Variants in CENPC observed in about 807,000 individuals in gnomAD.
CENPC encodes centromere protein C.
In CENPC, 63 loss-of-function variants were observed where a neutral mutation model predicts 112.1. That is an observed-to-expected ratio of 0.56 (90% CI 0.46 to 0.69). CENPC has a LOEUF of 0.69. Among genes scored for constraint, CENPC ranks in the 30% least tolerant of loss-of-function variants. CENPC has a pLI of 0.00. For missense variants in CENPC, 1,000 were observed against 1,103.8 expected, an observed-to-expected ratio of 0.91 and a Z score of 1.33; for synonymous variants, 333 against 367.6, an observed-to-expected ratio of 0.91 and a Z score of 1.08.
At position 67,514,340 on chromosome 4, in the gene CENPC, T is replaced by G; in HGVS notation, c.1178A>C (p.Asn393Thr). 1 of 1,612,136 alleles carries G rather than the reference T, an allele frequency of 6.2e-7. No individual in the cohort carries two copies. Among genetic ancestry groups the G allele is most frequent in the Non-Finnish European group, 8.5e-7 (1 of 1,178,708 alleles). The stretch of plus-strand genomic sequence containing the variant: ...TTCATATTTTGTAGATCTATAATTA[T>G]TTACTGTTTCACCTATCAAAGCATA... ...TSYALIGETV[N>T]NYRSTKYEMY... Residue 393 changes from asparagine to threonine, a missense_variant, in exon 8 of 19, where the codon AAT (asparagine) becomes ACT (threonine). Transcript: ENST00000273853.
At chr4:67,492,535 G>A (rs913208580) in intron 15 of CENPC, among the ~76,000 whole-genome samples, 1 of 152,142 alleles carries the variant, frequency 6.6e-6, no homozygotes, top group African/African-American at 2.4e-5. Context: ...AAGGTATTAA[G>A]TGATGTTTTG....
chr4:67,519,771 C>A (rs750790248), intron 5 of CENPC, among the ~76,000 whole-genome samples: 2 of 151,990 alleles, frequency 1.3e-5, no homozygotes, highest in Admixed American at 6.6e-5. Flanking sequence ...TAGAGAGATA[C>A]AACATAAGCA....
At chr4:67,540,092 G>A (rs891244672) in intron 3 of CENPC, among the ~76,000 whole-genome samples, 158 bp from the exon 4 acceptor site, 2 of 152,140 alleles carry the variant, frequency 1.3e-5, no homozygotes, top group African/African-American at 2.4e-5. Context: ...ATATTCAAAT[G>A]TTCCTGAGAA....
In CENPC at chr4:67,506,882, G is replaced by A; in HGVS notation, c.1957C>T (p.Pro653Ser). The A allele has an allele frequency of 6.2e-7, 1 of 1,611,972 alleles. No homozygotes were observed. The highest frequency in any genetic ancestry group is 8.5e-7 in the Non-Finnish European group (1 of 1,178,586). Residue 653 changes from proline to serine, a missense_variant, in exon 11 of 19, where the codon CCC becomes TCC. Transcript: ENST00000273853. ...EDNIMTAQNV[P>S]LKPQTSGYTC... ...TATCCACTGGTCTGAGGCTTTAGGG[G>A]AACATTCTGTGCAGTCATAATGTTA...
chr4:67,531,282 GAA>G lies in CENPC; in HGVS notation c.232-370_232-369del, dbSNP rs900810982. 2.0e-5 allele frequency among the ~76,000 whole-genome samples: 3 copies of G among 151,574 alleles called. No homozygotes were observed. The East Asian group carries it at 5.8e-4, about 29-fold the overall frequency. ...ATAATATAAATTATTATTTTAACCA[GAA>G]AAAAAAGCAACCTGCAGAAGTACAT... On this transcript the variant is annotated intron_variant, in intron 4 of 18. Coordinates refer to ENST00000273853, the MANE Select transcript of CENPC (RefSeq NM_001812.4).
At chr4:67,528,447 C>G (rs1179713818) in intron 5 of CENPC, among the ~76,000 whole-genome samples, 2 of 152,146 alleles carry the variant, frequency 1.3e-5, no homozygotes, top group African/African-American at 4.8e-5. Context: ...CAAACAAATT[C>G]TGTACACATC....
rs1159351365 is a variant in CENPC, at chr4:67,514,602, C to A, written c.916G>T (p.Asp306Tyr). 6.2e-7 allele frequency: 1 copy of A among 1,607,948 alleles called. No individual in the cohort carries two copies. Among genetic ancestry groups the A allele is most frequent in the East Asian group, 2.2e-5 (1 of 44,614 alleles). The change falls in exon 8 of 19, where the codon GAT (aspartate) becomes TAT (tyrosine). Residue 306 changes from aspartate to tyrosine, a missense_variant. Transcript: ENST00000273853. ...CTGGCAAAACTTTGATCCGACTCAT[C>A]AATTATAAATTCATCCTCTATCAAC... ...TKLIEDEFII[D>Y]ESDQSFASRS...
chr4:67,508,167 C>G (rs1046749742), intron 10 of CENPC, among the ~76,000 whole-genome samples: 1 of 152,076 alleles, frequency 6.6e-6, no homozygotes, highest in Non-Finnish European at 1.5e-5. Flanking sequence ...TCACATTAAT[C>G]TCACTTAAAA....
chr4:67,517,764 G>C (rs1361178608), intron 7 of CENPC, among the ~76,000 whole-genome samples: 2 of 152,060 alleles, frequency 1.3e-5, no homozygotes, highest in African/African-American at 4.8e-5. Flanking sequence ...TTGAACCCAG[G>C]AGGGAGAGGT....
chr4:67,545,262 C>T lies in CENPC; in HGVS notation c.18+76G>A, dbSNP rs1578012561. On this transcript the variant is annotated intron_variant, in intron 1 of 18. Coordinates refer to ENST00000273853, the MANE Select transcript of CENPC (RefSeq NM_001812.4). ...GATCACAGCCTCAGCCTAGCATTTC[C>T]TTCTCCCCAGCCTCGGGCGCCCGTG... 2.9e-6 allele frequency: 4 copies of T among 1,385,596 alleles called. No individual in the cohort carries two copies. The East Asian group carries it at 1.2e-4, about 41-fold the overall frequency. The allele number at this position is 1,385,596 out of a possible 1,614,324, so 85.8% of individuals were successfully genotyped here. A position where few individuals can be genotyped will look rare whatever the true frequency, so the allele number is the denominator to read the frequency against.
At position 67,472,648 on chromosome 4, in the gene CENPC, C is replaced by T. The variant is rs1454201578; in HGVS notation, c.2789G>A (p.Arg930Gln). 1.5e-5 allele frequency: 23 copies of T among 1,510,680 alleles called. No individual in the cohort carries two copies. The highest frequency in any genetic ancestry group is 1.6e-5 in the Non-Finnish European group (18 of 1,133,952). 93.6% of individuals were successfully genotyped at this position (1,510,680 alleles called of 1,614,324 possible). A position where few individuals can be genotyped will look rare whatever the true frequency, so the allele number is the denominator to read the frequency against. ...AAAAAGAAGAACACTTTCCTCATTCCGGAGATTTTTGATGTTATAATAGTT... is the reference window on the plus strand; with the variant it reads ...AAAAAGAAGAACACTTTCCTCATTCTGGAGATTTTTGATGTTATAATAGTT... Reference protein sequence around the residue: ...SGNYYNIKNLRNEESVLLFTQ... With the variant: ...SGNYYNIKNLQNEESVLLFTQ... Residue 930 changes from arginine to glutamine, a missense_variant, in exon 19 of 19, where the codon CGG (arginine) becomes CAG (glutamine). Physicochemically the swap from Arg to Gln is conservative, Grantham distance 43 (BLOSUM62 1). Coordinates refer to ENST00000273853, the MANE Select transcript of CENPC (RefSeq NM_001812.4).
intron 11 of CENPC, among the ~76,000 whole-genome samples, chr4:67,505,751 G>A (rs1725714543): frequency 6.6e-6 from 1 of 151,936 alleles, no homozygotes; most frequent in Non-Finnish European, 1.5e-5. Context: ...CACAGATATG[G>A]AGGGCTGACT....
intron 17 of CENPC, among the ~76,000 whole-genome samples, chr4:67,482,237 A>G (rs1174258629): frequency 3.9e-5 from 6 of 152,228 alleles, no homozygotes; most frequent in Non-Finnish European, 7.3e-5. Flanking sequence ...CATTCCTGCA[A>G]GAATGGCCAT....
At chr4:67,492,318 A>G in intron 15 of CENPC, 43 bp from the exon 16 acceptor site, 1 of 1,301,116 alleles carries the variant, frequency 7.7e-7, no homozygotes, top group African/African-American at 1.5e-5. Context: ...CTTACTTAAA[A>G]TTATTCTCAA....
intron 17 of CENPC, among the ~76,000 whole-genome samples, chr4:67,488,231 G>T (rs1725143026): frequency 6.7e-6 from 1 of 149,138 alleles, no homozygotes; most frequent in Non-Finnish European, 1.5e-5. Flanking sequence ...AAAATAAAAT[G>T]CTCAAACTAA....
At chr4:67,508,734 G>T in intron 10 of CENPC, 80 bp downstream of exon 10, 1 of 1,306,510 alleles carries the variant, frequency 7.7e-7, no homozygotes, top group Non-Finnish European at 1.1e-6. Flanking sequence ...ATTACTGCCT[G>T]TCCATAAATG....
chr4:67,533,081 T>C (rs1726606584), intron 4 of CENPC, among the ~76,000 whole-genome samples: 1 of 152,162 alleles, frequency 6.6e-6, no homozygotes, highest in Non-Finnish European at 1.5e-5. Flanking sequence ...CAGACTTACA[T>C]GGTTTGCCTG....
At chr4:67,474,797 T>TC in intron 18 of CENPC, 91 bp downstream of exon 18, 1 of 736,380 alleles carries the variant, frequency 1.4e-6, no homozygotes, top group Non-Finnish European at 2.4e-6. Flanking sequence ...ATCAGTCATA[T>TC]CACACTTCAT....
intron 17 of CENPC, among the ~76,000 whole-genome samples, chr4:67,482,689 T>A (rs1724986997): frequency 6.6e-6 from 1 of 152,088 alleles, no homozygotes; most frequent in South Asian, 2.1e-4. Context: ...AAGTGGGAGC[T>A]AAGCTATGAG....
Sources: gnomAD v4.1 joint callset for allele counts (sites outside exome capture counted in the v4.1 genomes callset) on GRCh38, gnomAD v4.1.1 for gene constraint, MANE v1.5 for transcripts, NCBI Gene and HGNC (gene_info 2026-07-23, HGNC 2026-07-21) for gene names.